Variants in DPP10 observed in about 807,000 individuals in gnomAD.
The protein encoded by DPP10 is dipeptidyl peptidase like 10.
A neutral mutation model predicts 120.9 loss-of-function variants in DPP10; 33 were observed. That is an observed-to-expected ratio of 0.27 (90% CI 0.21 to 0.37). DPP10 has a LOEUF of 0.37. Among genes scored for constraint, DPP10 ranks in the 10% least tolerant of loss-of-function variants. DPP10 has a pLI of 1.00. For synonymous variants in DPP10, 337 were observed against 326.1 expected (o/e 1.03, Z -0.36); for missense variants, 816 against 942.8 (o/e 0.87, Z 1.76).
At chr2:115,023,697 T>C (rs1397837420) in intron 1 of DPP10, among the ~76,000 whole-genome samples, 1 of 152,136 alleles carries the variant, frequency 6.6e-6, no homozygotes, top group Non-Finnish European at 1.5e-5. Context: ...TGCACATGTT[T>C]ATAGCAGCAC....
intron 1 of DPP10, among the ~76,000 whole-genome samples, chr2:114,583,782 T>C (rs1690728418): frequency 6.6e-6 from 1 of 152,190 alleles, no homozygotes; most frequent in South Asian, 2.1e-4. Context: ...ATAAAGTCTA[T>C]TTTCTCTCAT....
chr2:114,507,609 T>G (rs1683789107), intron 1 of DPP10, among the ~76,000 whole-genome samples: 1 of 152,138 alleles, frequency 6.6e-6, no homozygotes, highest in Non-Finnish European at 1.5e-5. Flanking sequence ...TGATTATGAC[T>G]TGAGGTTCTA....
chr2:115,447,477 A>G (rs116698306), intron 3 of DPP10, among the ~76,000 whole-genome samples: 1,877 of 152,254 alleles, frequency 0.012, 42 homozygotes, highest in African/African-American at 0.042. Context: ...GGGTGGAATG[A>G]TATGGTTTGT....
chr2:115,359,611 C>T (rs2064636724), intron 3 of DPP10, among the ~76,000 whole-genome samples: 1 of 152,072 alleles, frequency 6.6e-6, no homozygotes, highest in African/African-American at 2.4e-5. Flanking sequence ...AGATGGTCTT[C>T]TTATATCTCA....
At chr2:115,631,571 C>T (rs991387517) in intron 5 of DPP10, among the ~76,000 whole-genome samples, 1 of 152,122 alleles carries the variant, frequency 6.6e-6, no homozygotes, top group African/African-American at 2.4e-5. Flanking sequence ...TTCCTCTTAA[C>T]ACTGCTTTAG....
At chr2:114,447,256 A>G (rs1418641952) in intron 1 of DPP10, among the ~76,000 whole-genome samples, 1 of 151,822 alleles carries the variant, frequency 6.6e-6, no homozygotes, top group Non-Finnish European at 1.5e-5. Flanking sequence ...CAGCCTCCCA[A>G]AGTGCTGGGA....
At chr2:115,058,179 A>G (rs1050636458) in intron 1 of DPP10, among the ~76,000 whole-genome samples, 2 of 151,096 alleles carry the variant, frequency 1.3e-5, no homozygotes, top group Non-Finnish European at 2.9e-5. Flanking sequence ...AGTTGATATC[A>G]TAGAACTTTC....
intron 1 of DPP10, among the ~76,000 whole-genome samples, chr2:115,067,288 G>A (rs1706936607): frequency 6.6e-6 from 1 of 151,916 alleles, no homozygotes; most frequent in Admixed American, 6.6e-5. Flanking sequence ...GTCTGGCTCT[G>A]TCGCCCAGGC....
chr2:115,594,537 T>C (rs1021978690), intron 5 of DPP10, among the ~76,000 whole-genome samples: 7 of 152,204 alleles, frequency 4.6e-5, no homozygotes, highest in African/African-American at 1.7e-4. Context: ...TTCTTCCCGA[T>C]ATTACACTAA....
intron 1 of DPP10, among the ~76,000 whole-genome samples, chr2:114,641,456 C>T (rs1226668229): frequency 6.6e-6 from 1 of 151,970 alleles, no homozygotes; most frequent in Non-Finnish European, 1.5e-5. Flanking sequence ...AAACGTTATA[C>T]ACTTTTGCTA....
intron 1 of DPP10, among the ~76,000 whole-genome samples, chr2:115,080,357 G>A (rs1262773357): frequency 6.6e-6 from 1 of 152,164 alleles, no homozygotes; most frequent in East Asian, 1.9e-4. Context: ...AGTGAAGGAT[G>A]TAACTTTTTT....
chr2:115,402,260 C>G (rs145598696), intron 3 of DPP10, among the ~76,000 whole-genome samples: 2 of 152,200 alleles, frequency 1.3e-5, no homozygotes, highest in East Asian at 3.9e-4. Context: ...CATTCAGGCA[C>G]TCTTTACAGA....
chr2:115,195,053 G>A (rs181965168), intron 1 of DPP10, among the ~76,000 whole-genome samples: 1 of 152,182 alleles, frequency 6.6e-6, no homozygotes, highest in Non-Finnish European at 1.5e-5. Context: ...TGGACATTCA[G>A]TGTGCGCTCA....
chr2:114,663,390 T>C (rs185100772), intron 1 of DPP10, among the ~76,000 whole-genome samples: 76 of 150,724 alleles, frequency 5.0e-4, no homozygotes, highest in Non-Finnish European at 8.9e-5. Flanking sequence ...ATCTTCCCCT[T>C]GTCTATTTGA....
chr2:114,772,682 A>T (rs1297002698), intron 1 of DPP10, among the ~76,000 whole-genome samples: 2 of 151,668 alleles, frequency 1.3e-5, no homozygotes, highest in Non-Finnish European at 1.5e-5. Flanking sequence ...TTTCAGCTAA[A>T]GCATAAATGT....
intron 1 of DPP10, among the ~76,000 whole-genome samples, chr2:114,502,637 C>T (rs1683296076): frequency 6.6e-6 from 1 of 151,944 alleles, no homozygotes; most frequent in Admixed American, 6.6e-5. Context: ...AAGGAGTGAC[C>T]CTCTTTTTCT....
chr2:115,801,340 G>C (rs1206726904), intron 19 of DPP10, among the ~76,000 whole-genome samples: 1 of 152,204 alleles, frequency 6.6e-6, no homozygotes, highest in Admixed American at 6.5e-5. Context: ...TTTGGCCTGA[G>C]ACGATGGGGT....
At chr2:115,061,611 A>G (rs755298756) in intron 1 of DPP10, among the ~76,000 whole-genome samples, 18 of 152,230 alleles carry the variant, frequency 1.2e-4, no homozygotes, top group Non-Finnish European at 2.6e-4. Context: ...ATTGGGAAAC[A>G]TAATATCAAT....
At chr2:115,123,820 T>C (rs1422572533) in intron 1 of DPP10, among the ~76,000 whole-genome samples, 1 of 152,170 alleles carries the variant, frequency 6.6e-6, no homozygotes, top group Non-Finnish European at 1.5e-5. Context: ...TATTAATGTG[T>C]TAATAGACGT....
Sources: allele counts gnomAD v4.1 joint callset (sites outside exome capture counted in the v4.1 genomes callset), GRCh38; gene constraint gnomAD v4.1.1; transcripts MANE v1.5; gene names NCBI Gene and HGNC (gene_info 2026-07-23, HGNC 2026-07-21).